The following CHCHD3 variants were observed in gnomAD, a reference collection of about 807,000 sequenced individuals.
The protein encoded by CHCHD3 is coiled-coil-helix-coiled-coil-helix domain containing 3.
CHCHD3 carries 20 observed loss-of-function variants against 38.2 expected under a neutral mutation model. The ratio of observed to expected loss-of-function variants is 0.52; its 90% CI spans 0.37 to 0.76. The LOEUF (loss-of-function observed/expected upper bound fraction) is 0.76. Among genes scored for constraint, CHCHD3 ranks in the 30% least tolerant of loss-of-function variants. The probability of loss-of-function intolerance (pLI) is 0.00; values close to 1 mark genes in which losing one functional copy is unlikely to be tolerated. For synonymous variants in CHCHD3, 82 were observed against 100.0 expected, an observed-to-expected ratio of 0.82 and a Z score of 1.07; for missense variants, 245 against 279.2, an observed-to-expected ratio of 0.88 and a Z score of 0.87.
At chr7:132,967,672 A>G (rs758191170) in intron 4 of CHCHD3, among the ~76,000 whole-genome samples, 1 of 150,750 alleles carries the variant, frequency 6.6e-6, no homozygotes, top group Non-Finnish European at 1.5e-5. Context: ...TAAATAAAAT[A>G]AAACAAAATT....
chr7:132,787,158 G>C (rs1334298550), intron 7 of CHCHD3, among the ~76,000 whole-genome samples: 3 of 152,200 alleles, frequency 2.0e-5, no homozygotes, highest in Non-Finnish European at 4.4e-5. Context: ...TGGAAGAAAG[G>C]GTACATGCTC....
intron 4 of CHCHD3, chr7:132,973,683 C>T: frequency 6.8e-6 from 7 of 1,026,906 alleles, no homozygotes; most frequent in Non-Finnish European, 8.2e-6. Context: ...GAAACTGATT[C>T]ATTACGCATG....
Position 132,810,461 on chromosome 7 carries a change from G to A in CHCHD3, c.525-13884C>T, listed in dbSNP as rs148343667. Among the ~76,000 whole-genome samples the A allele has an allele frequency of 3.1e-3, 477 of 152,202 alleles. 1 individual carries two copies. The highest frequency in any genetic ancestry group is 0.011 in the African/African-American group (456 of 41,512). ...ACATATCCCTTTGTATTATATAAACGGATTTAAGCATTTTACAGAGGACAG... is the reference window on the plus strand; with the variant it reads ...ACATATCCCTTTGTATTATATAAACAGATTTAAGCATTTTACAGAGGACAG... On this transcript the variant is annotated intron_variant, in intron 6 of 7. Coordinates refer to ENST00000262570, the MANE Select transcript of CHCHD3 (RefSeq NM_017812.4).
intron 6 of CHCHD3, among the ~76,000 whole-genome samples, chr7:132,835,743 T>C (rs1807764787): frequency 6.6e-6 from 1 of 152,220 alleles, no homozygotes; most frequent in Non-Finnish European, 1.5e-5. Flanking sequence ...TTGTGTGTCC[T>C]GAAAATTCCT....
chr7:132,950,622 G>A (rs558273243), intron 4 of CHCHD3, among the ~76,000 whole-genome samples: 2 of 152,252 alleles, frequency 1.3e-5, no homozygotes, highest in African/African-American at 4.8e-5. Context: ...CTGGCAAACA[G>A]CAACTTTAAA....
chr7:132,875,843 T>C (rs1471197962), intron 5 of CHCHD3, among the ~76,000 whole-genome samples: 2 of 152,254 alleles, frequency 1.3e-5, no homozygotes, highest in African/African-American at 4.8e-5. Context: ...GTTCCCTTCA[T>C]TAAATGCCAA....
At chr7:133,066,194 A>C (rs929466896) in intron 2 of CHCHD3, among the ~76,000 whole-genome samples, 2 of 152,126 alleles carry the variant, frequency 1.3e-5, no homozygotes, top group African/African-American at 4.8e-5. Context: ...GCCACATGTG[A>C]CTAGTGGCTA....
intron 4 of CHCHD3, among the ~76,000 whole-genome samples, chr7:132,956,860 T>G: frequency 6.6e-6 from 1 of 152,212 alleles, no homozygotes; most frequent in Non-Finnish European, 1.5e-5. Context: ...TGGGAAGGGC[T>G]GCTAAGAAAA....
intron 3 of CHCHD3, among the ~76,000 whole-genome samples, chr7:132,998,477 C>T (rs1420410747): frequency 2.0e-5 from 3 of 152,042 alleles, no homozygotes; most frequent in Admixed American, 6.6e-5. Flanking sequence ...AACTGAATTT[C>T]GAGTGCTTAT....
chr7:132,796,371 C>T, intron 7 of CHCHD3, 71 bp downstream of exon 7: 1 of 1,578,544 alleles, frequency 6.3e-7, no homozygotes. Flanking sequence ...CCATTTAGTC[C>T]TTACCACTGC....
intron 3 of CHCHD3, among the ~76,000 whole-genome samples, chr7:132,991,296 G>A (rs1218427182): frequency 6.6e-6 from 1 of 151,518 alleles, no homozygotes; most frequent in Admixed American, 6.6e-5. Context: ...ATTTCTTTCT[G>A]TTTGGCACAA....
chr7:132,823,158 AG>A (rs1308207195), intron 6 of CHCHD3, among the ~76,000 whole-genome samples: 1 of 152,100 alleles, frequency 6.6e-6, no homozygotes, highest in Non-Finnish European at 1.5e-5. Flanking sequence ...GATCTGGAAA[AG>A]AAAAGAGGAG....
intron 2 of CHCHD3, among the ~76,000 whole-genome samples, chr7:133,040,586 T>C (rs573950043): frequency 5.2e-4 from 79 of 152,284 alleles, no homozygotes; most frequent in African/African-American, 1.8e-3. Context: ...TTATTGCCCC[T>C]CACCAAAGTT....
At chr7:132,879,520 T>C (rs1410316719) in intron 5 of CHCHD3, among the ~76,000 whole-genome samples, 1 of 151,900 alleles carries the variant, frequency 6.6e-6, no homozygotes, top group Non-Finnish European at 1.5e-5. Flanking sequence ...CAACATGTCC[T>C]GGGGAGACAA....
intron 4 of CHCHD3, among the ~76,000 whole-genome samples, chr7:132,962,383 C>A (rs1043228926): frequency 6.6e-6 from 1 of 152,048 alleles, no homozygotes; most frequent in Non-Finnish European, 1.5e-5. Flanking sequence ...AGGTAAGAGA[C>A]TTGAAAGAGA....
intron 6 of CHCHD3, among the ~76,000 whole-genome samples, chr7:132,798,305 T>C (rs112341872): frequency 1.3e-5 from 2 of 152,180 alleles, no homozygotes; most frequent in African/African-American, 4.8e-5. Flanking sequence ...AAGAACAGAA[T>C]TAAATAGAAT....
intron 7 of CHCHD3, among the ~76,000 whole-genome samples, chr7:132,790,466 G>A (rs1159442224): frequency 6.6e-6 from 1 of 152,184 alleles, no homozygotes; most frequent in Non-Finnish European, 1.5e-5. Flanking sequence ...TTCCTATGAT[G>A]GAAGAGGTTG....
chr7:133,045,542 TTAGGGG>T (rs1262074076), intron 2 of CHCHD3, among the ~76,000 whole-genome samples: 2 of 152,188 alleles, frequency 1.3e-5, no homozygotes, highest in Non-Finnish European at 2.9e-5. Flanking sequence ...CATTTTATCT[TTAGGGG>T]AGAGGTAGGC....
intron 6 of CHCHD3, among the ~76,000 whole-genome samples, chr7:132,798,118 C>A (rs1005283843): frequency 6.6e-6 from 1 of 152,092 alleles, no homozygotes; most frequent in Admixed American, 6.5e-5. Context: ...TTATCCAGTA[C>A]ACTAAGCTAA....
Sources: allele counts gnomAD v4.1 joint callset (sites outside exome capture counted in the v4.1 genomes callset), GRCh38; gene constraint gnomAD v4.1.1; transcripts MANE v1.5; gene names NCBI Gene and HGNC (gene_info 2026-07-23, HGNC 2026-07-21).